GLCCI1: variants seen among roughly 807,000 people sequenced by gnomAD.
GLCCI1 encodes the protein glucocorticoid-induced transcript 1 protein.
Under a neutral mutation model 52.2 loss-of-function variants are expected in GLCCI1, and 24 were observed. The observed-to-expected ratio is 0.46, with a 90% CI of 0.33 to 0.65. The LOEUF (loss-of-function observed/expected upper bound fraction) is 0.65. Ranked by LOEUF, GLCCI1 falls within the 30% of genes least tolerant of loss-of-function variation. The pLI is 0.02. For synonymous variants in GLCCI1, 310 were observed against 276.5 expected (o/e 1.12, Z -1.20); for missense variants, 704 against 701.5 (o/e 1.00, Z -0.04).
chr7:8,050,622 G>T (rs1183622211), intron 3 of GLCCI1, among the ~76,000 whole-genome samples: 1 of 152,144 alleles, frequency 6.6e-6, no homozygotes, highest in Non-Finnish European at 1.5e-5. Flanking sequence ...TATCTTCAGT[G>T]ATTGTTTTAG....
chr7:8,048,570 C>G (rs748473154), intron 3 of GLCCI1, among the ~76,000 whole-genome samples: 5 of 152,104 alleles, frequency 3.3e-5, no homozygotes, highest in Non-Finnish European at 7.4e-5. Context: ...ATGAGTCTTT[C>G]CAAGTTGTTC....
chr7:8,005,137 T>C (rs1400884472), intron 2 of GLCCI1, among the ~76,000 whole-genome samples: 2 of 152,152 alleles, frequency 1.3e-5, no homozygotes, highest in African/African-American at 4.8e-5. Context: ...CTAGCAAAAC[T>C]TAGAGGTGTG....
intron 1 of GLCCI1, among the ~76,000 whole-genome samples, chr7:7,979,281 A>C (rs976603643): frequency 1.3e-5 from 2 of 152,186 alleles, no homozygotes; most frequent in Admixed American, 6.5e-5. Flanking sequence ...GTTTGTAAAA[A>C]AAACGCATTC....
intron 1 of GLCCI1, among the ~76,000 whole-genome samples, chr7:7,999,249 T>A (rs1781004165): frequency 6.6e-6 from 1 of 152,006 alleles, no homozygotes; most frequent in Non-Finnish European, 1.5e-5. Flanking sequence ...AAGTATAGAT[T>A]AGAATATTAT....
At chr7:7,994,729 A>G (rs1780905906) in intron 1 of GLCCI1, among the ~76,000 whole-genome samples, 1 of 152,210 alleles carries the variant, frequency 6.6e-6, no homozygotes, top group South Asian at 2.1e-4. Context: ...GTCTGTCGTT[A>G]AAATCTATTC....
At chr7:7,975,922 C>CT (rs772679157) in intron 1 of GLCCI1, among the ~76,000 whole-genome samples, 2 of 152,098 alleles carry the variant, frequency 1.3e-5, no homozygotes, top group South Asian at 4.1e-4. Context: ...AATATAAGTG[C>CT]TTTTCTCCCC....
rs117543058 is a variant in GLCCI1, at chr7:8,019,628, A to G, written c.610-2855A>G. Among the ~76,000 whole-genome samples, 679 of 152,248 alleles carry G rather than the reference A, an allele frequency of 4.5e-3. 10 individuals are homozygous for G. The highest frequency in any genetic ancestry group is 0.036 in the East Asian group (187 of 5,176). On this transcript the variant is annotated intron_variant, in intron 2 of 7. Coordinates refer to ENST00000223145, the MANE Select transcript of GLCCI1 (RefSeq NM_138426.4). ...ATTCATCGCTGTGCGAACATCATAG[A>G]GTGTACTTACACAAACCTAGATGGT... is the stretch of plus-strand genomic sequence containing the variant.
intron 4 of GLCCI1, among the ~76,000 whole-genome samples, chr7:8,058,879 T>G (rs899836814): frequency 1.3e-5 from 2 of 152,206 alleles, no homozygotes; most frequent in Admixed American, 6.5e-5. Flanking sequence ...AAATAGTCAC[T>G]TAACATATTT....
At chr7:8,046,901 C>G (rs1583998206) in intron 3 of GLCCI1, among the ~76,000 whole-genome samples, 1 of 152,098 alleles carries the variant, frequency 6.6e-6, no homozygotes, top group East Asian at 1.9e-4. Context: ...AGAATAGTGC[C>G]AGGGAAGAGA....
chr7:8,070,140 T>G (rs914781686), intron 5 of GLCCI1: 6 of 152,320 alleles, frequency 3.9e-5, no homozygotes, highest in African/African-American at 1.4e-4. Flanking sequence ...GGTTCCTCAT[T>G]TGTGAAAACA....
intron 3 of GLCCI1, among the ~76,000 whole-genome samples, chr7:8,025,348 T>A (rs1781593089): frequency 6.6e-6 from 1 of 151,362 alleles, no homozygotes; most frequent in African/African-American, 2.4e-5. Flanking sequence ...CCAAAAAAAA[T>A]AAAAAATAAT....
chr7:8,061,584 T>G (rs1267310269), intron 5 of GLCCI1, among the ~76,000 whole-genome samples: 1 of 151,946 alleles, frequency 6.6e-6, no homozygotes, highest in Non-Finnish European at 1.5e-5. Flanking sequence ...TCATGTTAAG[T>G]TTATAATTTT....
intron 3 of GLCCI1, among the ~76,000 whole-genome samples, chr7:8,040,962 A>G (rs1038797028): frequency 6.6e-6 from 1 of 152,164 alleles, no homozygotes; most frequent in African/African-American, 2.4e-5. Context: ...TGAATGAGAG[A>G]GTCATACCTC....
chr7:8,019,938 C>G (rs902056717), intron 2 of GLCCI1, among the ~76,000 whole-genome samples: 12 of 152,194 alleles, frequency 7.9e-5, no homozygotes, highest in Admixed American at 6.5e-5. Context: ...CCGTAAACTA[C>G]TGTAGACTTT....
Position 8,085,027 on chromosome 7 carries a change from G to A in GLCCI1, c.1298+10G>A, listed in dbSNP as rs760883625. On this transcript the variant is annotated intron_variant, in intron 7 of 7. Coordinates refer to ENST00000223145, the MANE Select transcript of GLCCI1 (RefSeq NM_138426.4). The stretch of plus-strand genomic sequence containing the variant: ...TCTTTGAGGAAATGGCGTAAGTAAT[G>A]TCTTTTTTGTCAGCTGGGATCTGCA... The A allele has an allele frequency of 3.7e-6, 6 of 1,613,324 alleles. No individual in the cohort carries two copies. The highest frequency in any genetic ancestry group is 4.2e-6 in the Non-Finnish European group (5 of 1,179,766).
chr7:8,008,709 A>G (rs1226597703), intron 2 of GLCCI1, among the ~76,000 whole-genome samples: 2 of 152,246 alleles, frequency 1.3e-5, no homozygotes, highest in African/African-American at 4.8e-5. Flanking sequence ...AAAATACAGA[A>G]TATGAACAGA....
chr7:7,977,241 T>C (rs567445783), intron 1 of GLCCI1, among the ~76,000 whole-genome samples: 1 of 152,334 alleles, frequency 6.6e-6, no homozygotes, highest in African/African-American at 2.4e-5. Context: ...GCTTTATTAA[T>C]AACTTATTGA....
chr7:7,975,048 A>C (rs1331909103), intron 1 of GLCCI1, among the ~76,000 whole-genome samples: 1 of 152,184 alleles, frequency 6.6e-6, no homozygotes, highest in East Asian at 1.9e-4. Context: ...ATATATTGAT[A>C]TAGAAAGCCT....
chr7:8,062,561 C>G (rs376836135), intron 5 of GLCCI1, among the ~76,000 whole-genome samples: 4 of 152,298 alleles, frequency 2.6e-5, no homozygotes, highest in East Asian at 3.9e-4. Flanking sequence ...TATTTCACCA[C>G]CCAGGTAATA....
Sources: allele counts gnomAD v4.1 joint callset (sites outside exome capture counted in the v4.1 genomes callset), GRCh38; gene constraint gnomAD v4.1.1; transcripts MANE v1.5; gene names NCBI Gene and HGNC (gene_info 2026-07-23, HGNC 2026-07-21).